TMEM200A: variants seen among roughly 807,000 people sequenced by gnomAD.
The protein encoded by TMEM200A is transmembrane protein 200A.
In TMEM200A, 12 loss-of-function variants were observed where a neutral mutation model predicts 24.3. The ratio of observed to expected loss-of-function variants is 0.49; its 90% confidence interval spans 0.32 to 0.80. The LOEUF (loss-of-function observed/expected upper bound fraction) is 0.80. Among genes scored for constraint, TMEM200A ranks in the 30% least tolerant of loss-of-function variants. The pLI is 0.04. For missense variants in TMEM200A, 545 were observed against 614.4 expected, an observed-to-expected ratio of 0.89 and a Z score of 1.19; for synonymous variants, 224 against 224.4, an observed-to-expected ratio of 1.00 and a Z score of 0.02.
At chr6:130,430,766 T>C (rs768858745) in intron 2 of TMEM200A, among the ~76,000 whole-genome samples, 6 of 152,206 alleles carry the variant, frequency 3.9e-5, no homozygotes, top group Non-Finnish European at 7.4e-5. Context: ...CTACCTTGCT[T>C]TAAGGATGAT....
At chr6:130,375,058 A>C (rs1162115443) in intron 1 of TMEM200A, among the ~76,000 whole-genome samples, 1 of 152,224 alleles carries the variant, frequency 6.6e-6, no homozygotes, top group Non-Finnish European at 1.5e-5. Context: ...CTACAAAAAT[A>C]ATTTACAACT....
chr6:130,412,330 C>A (rs1779351858), intron 2 of TMEM200A, among the ~76,000 whole-genome samples: 1 of 152,062 alleles, frequency 6.6e-6, no homozygotes, highest in Non-Finnish European at 1.5e-5. Flanking sequence ...GCAGCCCTTG[C>A]CTCACTCTGC....
At chr6:130,412,366 G>C (rs1339368864) in intron 2 of TMEM200A, among the ~76,000 whole-genome samples, 4 of 152,012 alleles carry the variant, frequency 2.6e-5, no homozygotes, top group Non-Finnish European at 4.4e-5. Flanking sequence ...GCCTCTCACT[G>C]TCAGTGCTGA....
In TMEM200A at chr6:130,423,964, C is replaced by G. The variant is rs116407529; in HGVS notation, c.-16-16443C>G. Among the ~76,000 whole-genome samples, 523 of 152,136 alleles carry G rather than the reference C, an allele frequency of 3.4e-3. 5 individuals carry two copies. The highest frequency in any genetic ancestry group is 0.012 in the African/African-American group (509 of 41,506). The stretch of plus-strand genomic sequence containing the variant: ...TAAGTTGAACTTATTTGGTCCTCAC[C>G]AACAGTTGCAAGTTATCAAAGACAG... On this transcript the variant is annotated intron_variant, in intron 2 of 2. Transcript: ENST00000296978.
At chr6:130,429,673 G>A (rs1779829357) in intron 2 of TMEM200A, among the ~76,000 whole-genome samples, 1 of 152,066 alleles carries the variant, frequency 6.6e-6, no homozygotes, top group South Asian at 2.1e-4. Flanking sequence ...AAGAAACATG[G>A]GAGAATGTTT....
intron 2 of TMEM200A, among the ~76,000 whole-genome samples, chr6:130,428,075 C>T (rs572961549): frequency 6.6e-6 from 1 of 152,074 alleles, no homozygotes; most frequent in South Asian, 2.1e-4. Context: ...CTTAGGCGTC[C>T]CTTGAACTCA....
chr6:130,391,480 C>T (rs1778830370), intron 2 of TMEM200A, among the ~76,000 whole-genome samples: 1 of 151,776 alleles, frequency 6.6e-6, no homozygotes, highest in African/African-American at 2.4e-5. Context: ...AAGGACCAGG[C>T]AGAAATTAAA....
intron 1 of TMEM200A, among the ~76,000 whole-genome samples, chr6:130,374,286 C>A (rs188936191): frequency 6.6e-6 from 1 of 152,298 alleles, no homozygotes; most frequent in East Asian, 1.9e-4. Flanking sequence ...TTCACTGGGG[C>A]TGTAACCCAA....
intron 1 of TMEM200A, among the ~76,000 whole-genome samples, chr6:130,367,564 G>A (rs1425512565): frequency 6.6e-6 from 1 of 152,166 alleles, no homozygotes; most frequent in African/African-American, 2.4e-5. Context: ...TTTGGCTACT[G>A]ATACTAGAAA....
chr6:130,373,964 A>G (rs1778379592), intron 1 of TMEM200A, among the ~76,000 whole-genome samples: 1 of 152,248 alleles, frequency 6.6e-6, no homozygotes, highest in Admixed American at 6.5e-5. Flanking sequence ...TTTGTTACCC[A>G]AATCTCCCTT....
chr6:130,418,974 A>G (rs1311027308), intron 2 of TMEM200A, among the ~76,000 whole-genome samples: 2 of 152,114 alleles, frequency 1.3e-5, no homozygotes, highest in African/African-American at 2.4e-5. Flanking sequence ...GTTGTTAACT[A>G]TAGCTGCCCT....
At chr6:130,372,075 C>T (rs566386520) in intron 1 of TMEM200A, among the ~76,000 whole-genome samples, 13 of 152,294 alleles carry the variant, frequency 8.5e-5, no homozygotes, top group Middle Eastern at 3.4e-3. Flanking sequence ...GTGACTTGCC[C>T]GAGCTCCTGG....
chr6:130,423,809 T>C (rs1271051483), intron 2 of TMEM200A, among the ~76,000 whole-genome samples: 5 of 152,126 alleles, frequency 3.3e-5, no homozygotes, highest in Non-Finnish European at 7.4e-5. Context: ...TACATGCTAT[T>C]TGGAATGTTT....
At chr6:130,371,711 T>C (rs1042884096) in intron 1 of TMEM200A, among the ~76,000 whole-genome samples, 8 of 152,066 alleles carry the variant, frequency 5.3e-5, no homozygotes, top group Non-Finnish European at 7.4e-5. Flanking sequence ...GGGTTTGGGG[T>C]ATAGCAAGGA....
chr6:130,381,215 A>G (rs1778588319), intron 1 of TMEM200A, among the ~76,000 whole-genome samples: 1 of 152,140 alleles, frequency 6.6e-6, no homozygotes, highest in African/African-American at 2.4e-5. Flanking sequence ...TTCTTATTTG[A>G]ATGCTTAGAA....
At chr6:130,397,682 G>A (rs1259471095) in intron 2 of TMEM200A, among the ~76,000 whole-genome samples, 3 of 151,404 alleles carry the variant, frequency 2.0e-5, no homozygotes, top group African/African-American at 7.3e-5. Flanking sequence ...AGTATGTGTG[G>A]TTTTATTATG....
chr6:130,403,906 T>G (rs545762241), intron 2 of TMEM200A, among the ~76,000 whole-genome samples: 1 of 152,160 alleles, frequency 6.6e-6, no homozygotes, highest in Non-Finnish European at 1.5e-5. Context: ...CTCTCACTTA[T>G]AAGTGAGAAA....
intron 2 of TMEM200A, among the ~76,000 whole-genome samples, chr6:130,420,691 CCTTAG>C (rs1157624776): frequency 2.0e-5 from 3 of 152,066 alleles, no homozygotes; most frequent in African/African-American, 7.2e-5. Context: ...AGCCTCGGGT[CCTTAG>C]CTCCCAGCAA....
chr6:130,436,606 T>TCACTAGG (rs1286673605), intron 2 of TMEM200A, among the ~76,000 whole-genome samples: 29 of 149,728 alleles, frequency 1.9e-4, no homozygotes, highest in Non-Finnish European at 7.4e-5. Context: ...TTTTATAGTT[T>TCACTAGG]CACTAGGCTT....
Sources: allele counts gnomAD v4.1 joint callset (sites outside exome capture counted in the v4.1 genomes callset), GRCh38; gene constraint gnomAD v4.1.1; transcripts MANE v1.5; gene names NCBI Gene and HGNC (gene_info 2026-07-23, HGNC 2026-07-21).